Variants in SNTA1 observed in about 807,000 individuals in gnomAD.
SNTA1 encodes the protein alpha-1-syntrophin.
A neutral mutation model predicts 47.1 loss-of-function variants in SNTA1; 31 were observed. The ratio of observed to expected loss-of-function variants is 0.66; its 90% CI spans 0.49 to 0.89. The LOEUF is 0.89. Among genes scored for constraint, SNTA1 ranks in the 40% least tolerant of loss-of-function variants. The pLI is 0.00. For missense variants in SNTA1, 575 were observed against 693.0 expected (o/e 0.83, Z 1.91); for synonymous variants, 300 against 313.6 (o/e 0.96, Z 0.46).
rs56186098 is a variant in SNTA1 at position 33,414,245 on chromosome 20, C to CAAAAAAAAAAA, written c.702-1474_702-1464dup. Among the ~76,000 whole-genome samples the CAAAAAAAAAAA allele has an allele frequency of 4.3e-3, 125 of 29,202 alleles. 7 individuals are homozygous for CAAAAAAAAAAA. Among genetic ancestry groups the CAAAAAAAAAAA allele is most frequent in the African/African-American group, 5.6e-3 (46 of 8,270 alleles). 19.2% of individuals were successfully genotyped at this position (29,202 alleles called of 152,430 possible). On this transcript the variant is annotated intron_variant, in intron 3 of 7. Transcript: ENST00000217381. ...AAAAGCGAAACTCCGTCTCAAAAAC[C>CAAAAAAAAAAA]AAAAAAAAAAAAAAAAAAAAAAAAA...
At position 33,438,929 on chromosome 20, in the gene SNTA1, C is replaced by T; in HGVS notation, c.408G>A (p.Leu136=). ...TEALFVGDAI[L]SVNGEDLSSA... Reference sequence around the variant, plus strand: ...AGGACAAGTCTTCCCCATTCACAGACAGGATGGCATCCCCCACAAAAAGGG... The same window carrying T: ...AGGACAAGTCTTCCCCATTCACAGATAGGATGGCATCCCCCACAAAAAGGG... Residue 136 remains leucine (L), a synonymous_variant, in exon 2 of 8, where the codon CTG becomes CTA. Transcript: ENST00000217381. The T allele has an allele frequency of 6.2e-7, 1 of 1,614,144 alleles. No homozygotes were observed. Among genetic ancestry groups the T allele is most frequent in the Non-Finnish European group, 8.5e-7 (1 of 1,179,974 alleles).
chr20:33,424,840 G>T (rs1294904444), intron 2 of SNTA1, among the ~76,000 whole-genome samples: 1 of 151,276 alleles, frequency 6.6e-6, no homozygotes, highest in Non-Finnish European at 1.5e-5. Flanking sequence ...AACTAGGCCG[G>T]GCACAGTGGC....
At chr20:33,431,102 C>G (rs761225014) in intron 2 of SNTA1, among the ~76,000 whole-genome samples, 3 of 150,772 alleles carry the variant, frequency 2.0e-5, no homozygotes, top group Non-Finnish European at 4.4e-5. Context: ...TACAAAAAAT[C>G]AAAACAATAA....
Position 33,443,347 on chromosome 20 carries a change from T to G in SNTA1, c.274A>C (p.Lys92Gln), listed in dbSNP as rs1185830113. 2.0e-6 allele frequency: 3 copies of G among 1,480,664 alleles called. No homozygotes were observed. Among genetic ancestry groups the G allele is most frequent in the Non-Finnish European group, 2.7e-6 (3 of 1,120,842 alleles). 91.7% of individuals were successfully genotyped at this position (1,480,664 alleles called of 1,614,324 possible). Residue 92 changes from lysine (K) to glutamine (Q), a missense_variant, in exon 1 of 8, where the codon AAG becomes CAG. Transcript: ENST00000217381. ...ATGCCCAGCCCACCGGCGTCGGCCT[T>G]GCGCACCGTCACGCGGCGCCGCTGG... The part of the protein sequence containing the change: ...LLQRRRVTVR[K>Q]ADAGGLGISI...
At position 33,408,462 on chromosome 20, in the gene SNTA1, C is replaced by T. The variant is rs1277132515; in HGVS notation, c.*45G>A. ...CAGTCGGTGGAGGCCCAGCTCAGGC[C>T]ATGTCATGGACACCCCTCTTCAGGG... On this transcript the variant is annotated 3_prime_UTR_variant, in exon 8 of 8. Transcript: ENST00000217381. 2 of 1,377,334 alleles carry T rather than the reference C, an allele frequency of 1.5e-6. No homozygotes were observed. The highest frequency in any genetic ancestry group is 2.3e-5 in the East Asian group (1 of 43,676). 85.3% of individuals were successfully genotyped at this position (1,377,334 alleles called of 1,614,324 possible). A position where few individuals can be genotyped will look rare whatever the true frequency, so the allele number is the denominator to read the frequency against.
At chr20:33,429,489 AT>A (rs1249268355) in intron 2 of SNTA1, among the ~76,000 whole-genome samples, 13 of 150,860 alleles carry the variant, frequency 8.6e-5, no homozygotes, top group Admixed American at 6.6e-5. Flanking sequence ...AATTAGCCAG[AT>A]GTGTTGGTGC....
intron 2 of SNTA1, among the ~76,000 whole-genome samples, chr20:33,425,550 T>A (rs1175581343): frequency 4.0e-5 from 6 of 151,882 alleles, no homozygotes; most frequent in Non-Finnish European, 8.8e-5. Flanking sequence ...TAGTCCTACC[T>A]ACTAGGGAGG....
Position 33,417,917 on chromosome 20 carries a change from T to A in SNTA1, c.503A>T (p.Tyr168Phe). The A allele has an allele frequency of 6.2e-7, 1 of 1,611,874 alleles. No homozygotes were observed. The highest frequency in any genetic ancestry group is 8.5e-7 in the Non-Finnish European group (1 of 1,177,956). ...TGKEVVLEVK[Y>F]MKDVSPYFKN... Reference sequence around the variant, plus strand: ...GAAATACGGTGAGACGTCCTTCATATACTTGACTGATTGGGAGAGACATCA... The same window carrying A: ...GAAATACGGTGAGACGTCCTTCATAAACTTGACTGATTGGGAGAGACATCA... Residue 168 changes from tyrosine to phenylalanine, a missense_variant, in exon 3 of 8, where the codon TAT (tyrosine) becomes TTT (phenylalanine). Physicochemically the swap from Tyr to Phe is conservative, Grantham distance 22. Transcript: ENST00000217381.
At chr20:33,415,179 CTA>C (rs933705191) in intron 3 of SNTA1, among the ~76,000 whole-genome samples, 2 of 152,212 alleles carry the variant, frequency 1.3e-5, no homozygotes, top group African/African-American at 4.8e-5. Flanking sequence ...ATGTACAAAT[CTA>C]TACTCATACA....
intron 2 of SNTA1, among the ~76,000 whole-genome samples, chr20:33,421,244 G>C (rs1012804669): frequency 6.6e-6 from 1 of 152,036 alleles, no homozygotes; most frequent in Non-Finnish European, 1.5e-5. Context: ...TTGAATTCCA[G>C]CTCCAGCACT....
chr20:33,422,173 G>C (rs1990045236), intron 2 of SNTA1, among the ~76,000 whole-genome samples: 2 of 152,142 alleles, frequency 1.3e-5, no homozygotes. Flanking sequence ...CGGGCACAGT[G>C]CCTCACGCCT....
At chr20:33,436,334 A>G (rs933949393) in intron 2 of SNTA1, among the ~76,000 whole-genome samples, 2 of 152,212 alleles carry the variant, frequency 1.3e-5, no homozygotes, top group Admixed American at 1.3e-4. Flanking sequence ...AGAGCTTTCA[A>G]GTCAACTAAA....
At chr20:33,435,647 A>G (rs1410581704) in intron 2 of SNTA1, among the ~76,000 whole-genome samples, 1 of 152,038 alleles carries the variant, frequency 6.6e-6, no homozygotes, top group Admixed American at 6.6e-5. Context: ...TGTCTACCCT[A>G]CCACATGGTG....
At chr20:33,430,836 C>G (rs1442421724) in intron 2 of SNTA1, among the ~76,000 whole-genome samples, 1 of 151,700 alleles carries the variant, frequency 6.6e-6, no homozygotes, top group Non-Finnish European at 1.5e-5. Flanking sequence ...GTAATCCCAG[C>G]TACTTTAGAG....
intron 5 of SNTA1, among the ~76,000 whole-genome samples, chr20:33,411,703 G>A (rs1989744439): frequency 6.6e-6 from 1 of 152,204 alleles, no homozygotes; most frequent in Non-Finnish European, 1.5e-5. Context: ...AGCTCTTCAA[G>A]ATCAGGCCCT....
intron 1 of SNTA1, among the ~76,000 whole-genome samples, chr20:33,439,707 G>A (rs765327133): frequency 6.6e-6 from 1 of 152,082 alleles, no homozygotes; most frequent in African/African-American, 2.4e-5. Flanking sequence ...GAAAATAACC[G>A]GACAAAGTGG....
chr20:33,409,945 TA>T (rs1306409757), intron 6 of SNTA1, among the ~76,000 whole-genome samples, 189 bp downstream of exon 6: 1 of 152,168 alleles, frequency 6.6e-6, no homozygotes, highest in Non-Finnish European at 1.5e-5. Flanking sequence ...TTTGTATTAT[TA>T]GTAGAGACAG....
intron 3 of SNTA1, among the ~76,000 whole-genome samples, chr20:33,415,507 G>A (rs1410082228): frequency 6.6e-6 from 1 of 152,040 alleles, no homozygotes; most frequent in African/African-American, 2.4e-5. Flanking sequence ...ATACAGCCGG[G>A]CGCGGTGGCT....
chr20:33,430,103 G>A (rs369156099), intron 2 of SNTA1, among the ~76,000 whole-genome samples: 2 of 151,978 alleles, frequency 1.3e-5, no homozygotes, highest in African/African-American at 4.8e-5. Context: ...GATAATGCTC[G>A]TATCAACTCG....
Sources: gnomAD v4.1 joint callset for allele counts (sites outside exome capture counted in the v4.1 genomes callset) on GRCh38, gnomAD v4.1.1 for gene constraint, MANE v1.5 for transcripts, NCBI Gene and HGNC (gene_info 2026-07-23, HGNC 2026-07-21) for gene names.